Variants in CEP120 observed in about 807,000 individuals in gnomAD.
CEP120 encodes the protein centrosomal protein of 120 kDa.
In CEP120, 113 loss-of-function variants were observed where a neutral mutation model predicts 126.5. The observed-to-expected ratio is 0.89, with a 90% CI of 0.77 to 1.04. The LOEUF (loss-of-function observed/expected upper bound fraction) is 1.04, where lower values mean the gene tolerates loss of function less well. Ranked by LOEUF, CEP120 falls within the 50% of genes least tolerant of loss-of-function variation. CEP120 has a pLI of 0.00. For synonymous variants in CEP120, 400 were observed against 394.3 expected (o/e 1.01, Z -0.17); for missense variants, 1,230 against 1,155.7 (o/e 1.06, Z -0.93).
At chr5:123,373,305 T>TA (rs1203647418) in intron 16 of CEP120, among the ~76,000 whole-genome samples, 12 of 151,934 alleles carry the variant, frequency 7.9e-5, no homozygotes, top group African/African-American at 2.7e-4. Flanking sequence ...GATTACAGGC[T>TA]AAAATTACTA....
intron 2 of CEP120, among the ~76,000 whole-genome samples, 160 bp downstream of exon 2, chr5:123,418,199 A>G (rs909822520): frequency 6.9e-6 from 1 of 144,796 alleles, no homozygotes; most frequent in African/African-American, 2.6e-5. Context: ...TTTCATGTTT[A>G]GACTTGGGTC....
intron 12 of CEP120, 34 bp downstream of exon 12, chr5:123,382,952 T>C (rs924828896): frequency 6.9e-6 from 11 of 1,598,088 alleles, no homozygotes; most frequent in Admixed American, 1.8e-5. Context: ...AGATTCCTTT[T>C]AAAAAAAATT....
intron 5 of CEP120, among the ~76,000 whole-genome samples, chr5:123,396,700 G>T (rs1032741822): frequency 6.6e-5 from 10 of 152,290 alleles, no homozygotes; most frequent in African/African-American, 2.4e-4. Flanking sequence ...TAAGTTGAAG[G>T]AGCTAGAAAA....
At chr5:123,360,556 C>T (rs1175043070) in intron 18 of CEP120, among the ~76,000 whole-genome samples, 2 of 149,380 alleles carry the variant, frequency 1.3e-5, no homozygotes, top group Non-Finnish European at 3.0e-5. Context: ...TAATTTAAAA[C>T]TTTTTTTTTC....
At position 123,382,978 on chromosome 5, in the gene CEP120, A is replaced by G. The variant is rs769901427; in HGVS notation, c.1860+8T>C. The G allele has an allele frequency of 1.3e-6, 2 of 1,596,992 alleles. No individual in the cohort carries two copies. Among genetic ancestry groups the G allele is most frequent in the South Asian group, 1.1e-5 (1 of 89,068 alleles). ...AAAAAAAATTTGATAACATTCAATT[A>G]TATTTACCTGAGATGAATCAGAGAT... On this transcript the variant is annotated splice_region_variant and intron_variant, in intron 12 of 19. Coordinates refer to ENST00000306467, the MANE Select transcript of CEP120 (RefSeq NM_001375405.1).
chr5:123,353,759 C>A (rs1769370261), intron 18 of CEP120, among the ~76,000 whole-genome samples: 1 of 151,782 alleles, frequency 6.6e-6, no homozygotes, highest in Admixed American at 6.6e-5. Context: ...TTCATACTAT[C>A]CTCTTATCTC....
rs1399621575 is a variant in CEP120, at chr5:123,393,345, A to G, written c.765T>C (p.Ser255=). The stretch of plus-strand genomic sequence containing the variant: ...CCAGGTAAACACGAAGAATTTCTAC[A>G]CTGCTACGGATGCGAACTGATGCTC... ...PERASVRIRS[S]VEILRVYLAL... Residue 255 remains serine (S), a synonymous_variant, in exon 6 of 20, where the codon AGT becomes AGC. Transcript: ENST00000306467. 2 of 1,614,072 alleles carry G rather than the reference A, an allele frequency of 1.2e-6. No individual in the cohort carries two copies. The highest frequency in any genetic ancestry group is 1.3e-5 in the African/African-American group (1 of 74,940).
In CEP120 at chr5:123,400,289, AT is replaced by A. The variant is rs921514577; in HGVS notation, c.464-1006del. 2.1e-3 allele frequency among the ~76,000 whole-genome samples: 312 copies of A among 147,398 alleles called. 3 individuals carry two copies. The highest frequency in any genetic ancestry group is 6.1e-3 in the African/African-American group (245 of 40,412). On this transcript the variant is annotated intron_variant, in intron 4 of 19. Coordinates refer to ENST00000306467, the MANE Select transcript of CEP120 (RefSeq NM_001375405.1). Reference sequence around the variant, plus strand: ...CCCATATCCATCTCTTTTAGTCTCCATTTTTTTTTTTCTAGAAAGCTTTTAT... The same window carrying A: ...CCCATATCCATCTCTTTTAGTCTCCATTTTTTTTTTCTAGAAAGCTTTTAT...
intron 17 of CEP120, among the ~76,000 whole-genome samples, chr5:123,368,085 G>A (rs1344202855): frequency 6.6e-6 from 1 of 151,792 alleles, no homozygotes; most frequent in Non-Finnish European, 1.5e-5. Flanking sequence ...TCTCTCTCAA[G>A]GCAAACTCAC....
chr5:123,352,505 C>A (rs1280872516), intron 18 of CEP120, among the ~76,000 whole-genome samples: 2 of 152,026 alleles, frequency 1.3e-5, no homozygotes, highest in Non-Finnish European at 2.9e-5. Flanking sequence ...CATATCACCT[C>A]TGTCCATATA....
chr5:123,372,540 T>TGACATCA, intron 17 of CEP120, 110 bp downstream of exon 17: 1 of 1,114,194 alleles, frequency 9.0e-7, no homozygotes, highest in Non-Finnish European at 1.3e-6. Context: ...CATTCTTATT[T>TGACATCA]GACATCAGAA....
intron 18 of CEP120, among the ~76,000 whole-genome samples, chr5:123,363,160 C>T (rs1186934136): frequency 6.6e-6 from 1 of 151,530 alleles, no homozygotes; most frequent in African/African-American, 2.4e-5. Context: ...TTACATTTCC[C>T]CCACTACTTT....
intron 2 of CEP120, among the ~76,000 whole-genome samples, chr5:123,416,872 G>A (rs2127137721): frequency 6.6e-6 from 1 of 151,740 alleles, no homozygotes; most frequent in East Asian, 1.9e-4. Context: ...AAAACAAACA[G>A]GAATTAAATA....
At chr5:123,375,016 T>G (rs937206071) in intron 16 of CEP120, among the ~76,000 whole-genome samples, 1 of 152,114 alleles carries the variant, frequency 6.6e-6, no homozygotes, top group African/African-American at 2.4e-5. Flanking sequence ...ACTGACAGTG[T>G]AACTGTCCCT....
At chr5:123,388,306 C>T (rs1246196703) in intron 9 of CEP120, 126 bp downstream of exon 9, 1 of 564,632 alleles carries the variant, frequency 1.8e-6, no homozygotes, top group Non-Finnish European at 2.9e-6. Context: ...AGCCTTACCC[C>T]CTTTTAGTCC....
At chr5:123,374,492 A>G (rs1771068636) in intron 16 of CEP120, among the ~76,000 whole-genome samples, 1 of 152,112 alleles carries the variant, frequency 6.6e-6, no homozygotes, top group Non-Finnish European at 1.5e-5. Context: ...TTTTTTTTAA[A>G]TGCGAACAAA....
chr5:123,366,185 T>G (rs1449864872), intron 17 of CEP120, among the ~76,000 whole-genome samples: 1 of 151,758 alleles, frequency 6.6e-6, no homozygotes, highest in Admixed American at 6.6e-5. Flanking sequence ...GATGTCTCTG[T>G]GATTCTAAAG....
chr5:123,394,595 T>A (rs1448794315), intron 5 of CEP120, among the ~76,000 whole-genome samples: 3 of 152,216 alleles, frequency 2.0e-5, no homozygotes, highest in Non-Finnish European at 4.4e-5. Flanking sequence ...GATCCCTCTC[T>A]AAGATACACT....
chr5:123,383,070 C>T lies in CEP120; in HGVS notation c.1776G>A (p.Arg592=). The T allele has an allele frequency of 6.7e-7, 1 of 1,497,590 alleles. No individual in the cohort carries two copies. The highest frequency in any genetic ancestry group is 9.2e-7 in the Non-Finnish European group (1 of 1,086,596). 92.8% of individuals were successfully genotyped at this position (1,497,590 alleles called of 1,614,324 possible). The change falls in exon 12 of 20, where the codon AGG becomes AGA. Residue 592 remains arginine, a synonymous_variant. Transcript: ENST00000306467. ...TCACTGTGTAAGAAAGATCTGCTAT[C>T]CTGTTATTTGATCTACAAATAAAAT... is the stretch of plus-strand genomic sequence containing the variant. ...PVIAAQGSNN[R]IADLSYTVTL...
Sources: gnomAD v4.1 joint callset for allele counts (sites outside exome capture counted in the v4.1 genomes callset) on GRCh38, gnomAD v4.1.1 for gene constraint, MANE v1.5 for transcripts, NCBI Gene and HGNC (gene_info 2026-07-23, HGNC 2026-07-21) for gene names.